CPLANE1: variants seen among roughly 807,000 people sequenced by gnomAD.
CPLANE1 encodes the protein ciliogenesis and planar polarity effector 1.
A neutral mutation model predicts 362.5 loss-of-function variants in CPLANE1; 263 were observed. That is an observed-to-expected ratio of 0.73 (90% CI 0.66 to 0.80). The LOEUF (loss-of-function observed/expected upper bound fraction) is 0.80. Ranked by LOEUF, CPLANE1 falls within the 30% of genes least tolerant of loss-of-function variation. The pLI, the probability that CPLANE1 is intolerant of heterozygous loss-of-function variation, is 0.00. For synonymous variants in CPLANE1, 1,212 were observed against 1,302.6 expected, an observed-to-expected ratio of 0.93 and a Z score of 1.50; for missense variants, 3,461 against 3,793.4, an observed-to-expected ratio of 0.91 and a Z score of 2.30.
At chr5:37,236,723 C>CAAAAAA (rs544613605) in intron 8 of CPLANE1, among the ~76,000 whole-genome samples, 1 of 102,598 alleles carries the variant, frequency 9.7e-6, no homozygotes, top group African/African-American at 3.5e-5. Context: ...ACTCAACAAG[C>CAAAAAA]AAAAAAAAAA....
rs1763884545 is a variant in CPLANE1, at chr5:37,125,470, A to G, written c.8793-61T>C. On this transcript the variant is annotated intron_variant, in intron 46 of 52. Transcript: ENST00000651892. ...TAAATTTGTTAAGCAGATAAGATAT[A>G]TCATGACTAAACACTATTTATCCGG... 6.1e-6 allele frequency: 8 copies of G among 1,308,190 alleles called. No individual in the cohort carries two copies. In the South Asian group the frequency reaches 1.0e-4, roughly 17 times the overall value. The allele number at this position is 1,308,190 out of a possible 1,614,324, so 81.0% of individuals were successfully genotyped here. A position where few individuals can be genotyped will look rare whatever the true frequency, so the allele number is the denominator to read the frequency against.
chr5:37,163,835 C>T (rs1777530478), intron 37 of CPLANE1, among the ~76,000 whole-genome samples: 1 of 152,178 alleles, frequency 6.6e-6, no homozygotes, highest in Admixed American at 6.5e-5. Context: ...ATCCTACTGC[C>T]ACTTCTGGGA....
At chr5:37,171,784 CT>C (rs1779879802) in intron 32 of CPLANE1, among the ~76,000 whole-genome samples, 4 of 123,798 alleles carry the variant, frequency 3.2e-5, no homozygotes, top group Non-Finnish European at 6.8e-5. Flanking sequence ...CTCTCTCTCT[CT>C]ATCTATCTAT....
chr5:37,236,706 T>C (rs1157395557), intron 8 of CPLANE1, among the ~76,000 whole-genome samples: 1 of 123,776 alleles, frequency 8.1e-6, no homozygotes. Context: ...TATGAGAAAC[T>C]AAGACAACTC....
intron 2 of CPLANE1, among the ~76,000 whole-genome samples, chr5:37,247,339 AACTTAAACTTG>A (rs1740039922): frequency 6.6e-6 from 1 of 152,220 alleles, no homozygotes; most frequent in East Asian, 1.9e-4. Context: ...ATCTCAACTT[AACTTAAACTTG>A]ACTTAAACAT....
chr5:37,098,923 CA>C, the CPLANE1 span, among the ~76,000 whole-genome samples: 801 of 52,082 alleles, frequency 0.015, 3 homozygotes, highest in Admixed American at 0.028. Context: ...ATGCCTACAT[CA>C]AAAAAAAAAA....
chr5:37,242,967 G>T (rs1200639485), intron 6 of CPLANE1, 46 bp downstream of exon 6: 7 of 1,360,598 alleles, frequency 5.1e-6, no homozygotes, highest in Non-Finnish European at 7.0e-6. Flanking sequence ...GCCTCCAAAA[G>T]AAAAAAAAAT....
chr5:37,100,906 C>G, the CPLANE1 span, among the ~76,000 whole-genome samples: 1 of 152,124 alleles, frequency 6.6e-6, no homozygotes, highest in Non-Finnish European at 1.5e-5. Flanking sequence ...ATTTGGTTGT[C>G]TGCTTGTCTG....
rs1180868435 is a variant in CPLANE1 at position 37,226,891 on chromosome 5, T to C, written c.1704A>G (p.Glu568=). The C allele has an allele frequency of 6.4e-7, 1 of 1,551,660 alleles. No individual in the cohort carries two copies. The highest frequency in any genetic ancestry group is 2.0e-5 in the Admixed American group (1 of 50,978). ...DSEETDRTIT[E]LHSIQKSLLA... The stretch of plus-strand genomic sequence containing the variant: ...GTAGACTTTTCTGGATAGAATGCAG[T>C]TCTGTAATGGTTCTATCTGTCTCCT... The change falls in exon 12 of 53, where the codon GAA becomes GAG. Residue 568 remains glutamate (E), a synonymous_variant. Transcript: ENST00000651892.
At chr5:37,231,506 G>C (rs1335286702) in intron 8 of CPLANE1, among the ~76,000 whole-genome samples, 1 of 152,110 alleles carries the variant, frequency 6.6e-6, no homozygotes, top group Non-Finnish European at 1.5e-5. Context: ...GGCAGAGGTT[G>C]CAGTGAGCCG....
intron 46 of CPLANE1, among the ~76,000 whole-genome samples, chr5:37,135,258 G>T (rs751935892): frequency 2.0e-5 from 3 of 152,144 alleles, no homozygotes; most frequent in Non-Finnish European, 4.4e-5. Flanking sequence ...TAATAGTGTG[G>T]TTTTGAGAGG....
chr5:37,217,561 T>C (rs527470561), intron 15 of CPLANE1, among the ~76,000 whole-genome samples: 18 of 151,528 alleles, frequency 1.2e-4, no homozygotes, highest in African/African-American at 4.4e-4. Context: ...GAGCCGAGAC[T>C]GCGCCATTGC....
Position 37,213,743 on chromosome 5 carries a change from C to A in CPLANE1, c.2747-11G>T. 1 of 1,456,680 alleles carries A rather than the reference C, an allele frequency of 6.9e-7. No individual in the cohort carries two copies. Among genetic ancestry groups the A allele is most frequent in the Non-Finnish European group, 9.2e-7 (1 of 1,091,836 alleles). The allele number at this position is 1,456,680 out of a possible 1,614,324, so 90.2% of individuals were successfully genotyped here. The stretch of plus-strand genomic sequence containing the variant: ...GAGACTTTGCAGCACCTAAGGAATA[C>A]AGCAATGACCTAAGAAGATTGTGAT... On this transcript the variant is annotated splice_polypyrimidine_tract_variant and intron_variant, in intron 15 of 52. Coordinates refer to ENST00000651892, the MANE Select transcript of CPLANE1 (RefSeq NM_001384732.1).
At chr5:37,233,383 G>T (rs1324962854) in intron 8 of CPLANE1, among the ~76,000 whole-genome samples, 1 of 152,028 alleles carries the variant, frequency 6.6e-6, no homozygotes, top group Non-Finnish European at 1.5e-5. Context: ...GCCTGGGAGG[G>T]ATACCACCCT....
chr5:37,199,636 C>T (rs1305249260), intron 19 of CPLANE1, among the ~76,000 whole-genome samples: 1 of 152,194 alleles, frequency 6.6e-6, no homozygotes, highest in Admixed American at 6.5e-5. Flanking sequence ...TAAATGCTAT[C>T]CAAACCAGTA....
chr5:37,185,470 A>C (rs1323976121), intron 24 of CPLANE1, among the ~76,000 whole-genome samples: 1 of 152,130 alleles, frequency 6.6e-6, no homozygotes, highest in African/African-American at 2.4e-5. Flanking sequence ...AATTCTAGCC[A>C]AAAAAATCAA....
At chr5:37,082,536 T>A in the CPLANE1 span, among the ~76,000 whole-genome samples, 1 of 152,004 alleles carries the variant, frequency 6.6e-6, no homozygotes, top group Admixed American at 6.6e-5. Flanking sequence ...CCCAAGTATA[T>A]AACAGTCAAC....
In CPLANE1 at chr5:37,226,486, G is replaced by A. The variant is rs1284086722; in HGVS notation, c.2109C>T (p.Tyr703=). The change falls in exon 12 of 53, where the codon TAC becomes TAT. Residue 703 remains tyrosine, a synonymous_variant. Coordinates refer to ENST00000651892, the MANE Select transcript of CPLANE1 (RefSeq NM_001384732.1). ...KMVADNLNGV[Y]ILQPEVISAS... Reference sequence around the variant, plus strand: ...CTGAAATAACTTCAGGTTGAAGAATGTATACACCATTTAAATTGTCAGCTA... The same window carrying A: ...CTGAAATAACTTCAGGTTGAAGAATATATACACCATTTAAATTGTCAGCTA... 3.9e-6 allele frequency: 6 copies of A among 1,550,438 alleles called. No homozygotes were observed. The Admixed American group carries it at 9.8e-5, about 25-fold the overall frequency.
the CPLANE1 span, among the ~76,000 whole-genome samples, chr5:37,084,343 C>T: frequency 6.6e-6 from 1 of 152,144 alleles, no homozygotes; most frequent in Non-Finnish European, 1.5e-5. Context: ...ATAAATCTCA[C>T]AGGACCTATA....
Sources: gnomAD v4.1 joint callset for allele counts (sites outside exome capture counted in the v4.1 genomes callset) on GRCh38, gnomAD v4.1.1 for gene constraint, MANE v1.5 for transcripts, NCBI Gene and HGNC (gene_info 2026-07-23, HGNC 2026-07-21) for gene names.